The following KLRG2 variants were observed in gnomAD, a reference collection of about 807,000 sequenced individuals.
The protein encoded by KLRG2 is killer cell lectin like receptor G2.
Under a neutral mutation model 35.4 loss-of-function variants are expected in KLRG2, and 39 were observed. The ratio of observed to expected loss-of-function variants is 1.10; its 90% CI spans 0.85 to 1.44. The LOEUF is 1.44. Among genes scored for constraint, KLRG2 ranks in the 40% most tolerant of loss-of-function variants. KLRG2 has a pLI of 0.00. For missense variants in KLRG2, 632 were observed against 570.9 expected (o/e 1.11, Z -1.09); for synonymous variants, 283 against 265.8 (o/e 1.06, Z -0.63).
intron 3 of KLRG2, among the ~76,000 whole-genome samples, chr7:139,463,825 T>G (rs1388414217): frequency 5.9e-5 from 9 of 152,144 alleles, no homozygotes; most frequent in African/African-American, 1.2e-4. Flanking sequence ...GGGTAACTCT[T>G]ATAGAGTGAA....
At chr7:139,433,990 A>ACCTGTC in the KLRG2 span, among the ~76,000 whole-genome samples, 1 of 152,210 alleles carries the variant, frequency 6.6e-6, no homozygotes, top group Admixed American at 6.5e-5. Flanking sequence ...TCCAGCCAGC[A>ACCTGTC]CCTGTCCCTG....
the KLRG2 span, among the ~76,000 whole-genome samples, chr7:139,444,887 T>G: frequency 4.8e-3 from 733 of 152,242 alleles, 8 homozygotes; most frequent in African/African-American, 0.017. Context: ...CAAACATATT[T>G]TCTCCTATCC....
intron 3 of KLRG2, among the ~76,000 whole-genome samples, chr7:139,479,408 A>T (rs1234941917): frequency 6.6e-6 from 1 of 152,224 alleles, no homozygotes; most frequent in Non-Finnish European, 1.5e-5. Context: ...AAAGCTGGGC[A>T]TGGTGGCACA....
chr7:139,469,877 C>T (rs1796727197), intron 3 of KLRG2, among the ~76,000 whole-genome samples: 1 of 152,242 alleles, frequency 6.6e-6, no homozygotes, highest in Non-Finnish European at 1.5e-5. Context: ...TGCCCAGTCT[C>T]CAGCACACGG....
chr7:139,457,555 T>C (rs945339531), intron 3 of KLRG2, among the ~76,000 whole-genome samples: 3 of 152,150 alleles, frequency 2.0e-5, no homozygotes, highest in Non-Finnish European at 4.4e-5. Context: ...TACACACTCA[T>C]CCCATGTCCT....
At chr7:139,471,756 TCAGGCACTG>T (rs1231472181) in intron 3 of KLRG2, among the ~76,000 whole-genome samples, 1 of 152,144 alleles carries the variant, frequency 6.6e-6, no homozygotes, top group Non-Finnish European at 1.5e-5. Context: ...GCAAGAGACG[TCAGGCACTG>T]CAGGCAGCTG....
intron 3 of KLRG2, among the ~76,000 whole-genome samples, chr7:139,475,415 C>T (rs2116472104): frequency 1.3e-5 from 2 of 151,966 alleles, no homozygotes; most frequent in African/African-American, 4.8e-5. Flanking sequence ...CCTGTAGTCC[C>T]AGCTACTTGG....
intron 3 of KLRG2, among the ~76,000 whole-genome samples, chr7:139,475,538 A>C (rs1240437306): frequency 6.6e-6 from 1 of 151,338 alleles, no homozygotes; most frequent in Non-Finnish European, 1.5e-5. Context: ...CTCAAAAAAA[A>C]AAAAAAGAAC....
intron 3 of KLRG2, among the ~76,000 whole-genome samples, chr7:139,469,593 C>T (rs12533513): frequency 0.078 from 11,880 of 151,886 alleles, 790 homozygotes; most frequent in East Asian, 0.38. Flanking sequence ...CACAGGCATG[C>T]GTCACCATGT....
At chr7:139,436,709 C>A in the KLRG2 span, among the ~76,000 whole-genome samples, 1 of 152,232 alleles carries the variant, frequency 6.6e-6, no homozygotes, top group South Asian at 2.1e-4. Flanking sequence ...CTAATCATTT[C>A]TCTTTCTTGC....
At chr7:139,463,866 T>A (rs1796609955) in intron 3 of KLRG2, among the ~76,000 whole-genome samples, 1 of 152,178 alleles carries the variant, frequency 6.6e-6, no homozygotes, top group Admixed American at 6.6e-5. Flanking sequence ...TAATCAATAC[T>A]GAGGCTACCC....
intron 3 of KLRG2, among the ~76,000 whole-genome samples, chr7:139,475,403 C>A (rs543545511): frequency 6.6e-6 from 1 of 151,780 alleles, no homozygotes; most frequent in Non-Finnish European, 1.5e-5. Flanking sequence ...TGGTGGCGGG[C>A]GCCTGTAGTC....
the KLRG2 span, among the ~76,000 whole-genome samples, chr7:139,446,182 A>G: frequency 6.6e-6 from 1 of 151,850 alleles, no homozygotes; most frequent in African/African-American, 2.4e-5. Context: ...TAGTGTTGCT[A>G]CAAACTTAGA....
chr7:139,460,043 C>T (rs1382727492), intron 3 of KLRG2, among the ~76,000 whole-genome samples: 1 of 152,162 alleles, frequency 6.6e-6, no homozygotes, highest in Non-Finnish European at 1.5e-5. Context: ...AGCCCCCGCG[C>T]CTGGCCATAT....
intron 2 of KLRG2, 40 bp downstream of exon 2, chr7:139,480,106 G>A: frequency 7.6e-7 from 1 of 1,315,342 alleles, no homozygotes; most frequent in South Asian, 1.2e-5. Flanking sequence ...CAGTAGTGGA[G>A]CGGCAGGGAG....
chr7:139,464,332 G>A (rs1796615781), intron 3 of KLRG2, among the ~76,000 whole-genome samples: 4 of 152,100 alleles, frequency 2.6e-5, no homozygotes, highest in Admixed American at 2.0e-4. Context: ...GTTACAGCAT[G>A]GCCTTTTAAA....
At chr7:139,481,644 G>C (rs1414454907) in intron 1 of KLRG2, among the ~76,000 whole-genome samples, 1 of 152,062 alleles carries the variant, frequency 6.6e-6, no homozygotes, top group Non-Finnish European at 1.5e-5. Flanking sequence ...TGGCTTTCTG[G>C]CTGGCCCGGT....
chr7:139,427,422 C>A, the KLRG2 span, among the ~76,000 whole-genome samples: 1 of 152,178 alleles, frequency 6.6e-6, no homozygotes, highest in African/African-American at 2.4e-5. Flanking sequence ...GTCAGTCAAG[C>A]AGGGATCTAA....
At chr7:139,430,305 G>A in the KLRG2 span, among the ~76,000 whole-genome samples, 82 of 152,250 alleles carry the variant, frequency 5.4e-4, no homozygotes, top group Middle Eastern at 0.014. Context: ...GGGAGGCTGA[G>A]GCAGGAGAAT....
Sources: gnomAD v4.1 joint callset for allele counts (sites outside exome capture counted in the v4.1 genomes callset) on GRCh38, gnomAD v4.1.1 for gene constraint, MANE v1.5 for transcripts, NCBI Gene and HGNC (gene_info 2026-07-23, HGNC 2026-07-21) for gene names.